ADAMTSL1: variants seen among roughly 807,000 people sequenced by gnomAD.
ADAMTSL1 encodes ADAMTS-like protein 1.
Under a neutral mutation model 201.8 loss-of-function variants are expected in ADAMTSL1, and 126 were observed. The observed-to-expected ratio is 0.62, with a 90% CI of 0.54 to 0.72. The LOEUF (loss-of-function observed/expected upper bound fraction) is 0.72, where lower values mean the gene tolerates loss of function less well. Among genes scored for constraint, ADAMTSL1 ranks in the 30% least tolerant of loss-of-function variants. The pLI, the probability that ADAMTSL1 is intolerant of heterozygous loss-of-function variation, is 0.00. For synonymous variants in ADAMTSL1, 1,121 were observed against 903.4 expected (o/e 1.24, Z -4.32); for missense variants, 2,679 against 2,277.8 (o/e 1.18, Z -3.59).
chr9:18,231,675 A>G (rs1426773318), intron 2 of ADAMTSL1, among the ~76,000 whole-genome samples: 2 of 152,194 alleles, frequency 1.3e-5, no homozygotes, highest in Admixed American at 6.5e-5. Flanking sequence ...CCCAGACTTG[A>G]ATATCCAACT....
intron 1 of ADAMTSL1, among the ~76,000 whole-genome samples, chr9:17,977,033 A>G (rs899776761): frequency 6.6e-6 from 1 of 151,998 alleles, no homozygotes; most frequent in African/African-American, 2.4e-5. Context: ...AGTTTTTATT[A>G]TAATAGGATG....
chr9:18,451,860 G>T (rs569576569), intron 2 of ADAMTSL1, among the ~76,000 whole-genome samples: 2 of 152,344 alleles, frequency 1.3e-5, no homozygotes, highest in South Asian at 4.1e-4. Context: ...GTTGCATGGT[G>T]GAAGATGCAA....
intron 2 of ADAMTSL1, among the ~76,000 whole-genome samples, chr9:18,284,158 G>C (rs1832908445): frequency 6.6e-6 from 1 of 151,786 alleles, no homozygotes; most frequent in Non-Finnish European, 1.5e-5. Context: ...GAACCTGGGA[G>C]GCAGAGGTTG....
At chr9:18,363,464 C>T (rs145148248) in intron 2 of ADAMTSL1, among the ~76,000 whole-genome samples, 2 of 152,284 alleles carry the variant, frequency 1.3e-5, no homozygotes, top group Non-Finnish European at 2.9e-5. Context: ...TCAGTTTTGC[C>T]TTGCCTCTTC....
chr9:18,900,223 C>CAATG (rs989418151), intron 26 of ADAMTSL1, among the ~76,000 whole-genome samples: 3 of 152,144 alleles, frequency 2.0e-5, no homozygotes, highest in Admixed American at 1.3e-4. Context: ...ATCAAAACCA[C>CAATG]AATGAGATAA....
intron 13 of ADAMTSL1, among the ~76,000 whole-genome samples, chr9:18,705,539 T>G (rs1564165789): frequency 6.6e-6 from 1 of 152,198 alleles, no homozygotes; most frequent in African/African-American, 2.4e-5. Flanking sequence ...TTTAGGGGAC[T>G]GGGTGTGAGG....
intron 4 of ADAMTSL1, among the ~76,000 whole-genome samples, chr9:18,616,100 A>T (rs1825685981): frequency 1.3e-5 from 2 of 152,062 alleles, no homozygotes; most frequent in Non-Finnish European, 2.9e-5. Flanking sequence ...ATCTCGGCTC[A>T]CTGCAACCTC....
At chr9:18,419,843 C>T (rs1818861280) in intron 2 of ADAMTSL1, among the ~76,000 whole-genome samples, 1 of 151,326 alleles carries the variant, frequency 6.6e-6, no homozygotes, top group Admixed American at 6.6e-5. Flanking sequence ...TATTCTCCTG[C>T]CTCAGCCTCC....
intron 2 of ADAMTSL1, among the ~76,000 whole-genome samples, chr9:18,180,555 AT>A (rs1330387665): frequency 3.0e-4 from 45 of 150,404 alleles, no homozygotes; most frequent in African/African-American, 1.1e-3. Flanking sequence ...AAAAAAAAAA[AT>A]ACCTAAGAAT....
At chr9:18,682,249 G>C (rs956846827) in intron 12 of ADAMTSL1, among the ~76,000 whole-genome samples, 19 of 152,138 alleles carry the variant, frequency 1.2e-4, no homozygotes, top group African/African-American at 4.3e-4. Context: ...CTTAAAGGGA[G>C]ACCAGATATT....
intron 2 of ADAMTSL1, among the ~76,000 whole-genome samples, chr9:18,334,621 A>C (rs993125440): frequency 3.9e-5 from 6 of 152,174 alleles, no homozygotes; most frequent in Non-Finnish European, 8.8e-5. Flanking sequence ...CATCTTCTAT[A>C]TAAACCAATT....
intron 2 of ADAMTSL1, among the ~76,000 whole-genome samples, chr9:18,393,563 A>G (rs1838138166): frequency 6.6e-6 from 1 of 152,228 alleles, no homozygotes; most frequent in Non-Finnish European, 1.5e-5. Context: ...TAAAGAAGAC[A>G]GTGTGGTGGT....
rs142575274 is a variant in ADAMTSL1 at position 18,561,762 on chromosome 9, C to G, written c.238-12268C>G. Among the ~76,000 whole-genome samples the G allele has an allele frequency of 5.3e-3, 804 of 152,274 alleles. 8 individuals carry two copies. The highest frequency in any genetic ancestry group is 0.05 in the East Asian group (260 of 5,172). ...TTAGCTCTTCTTGTTGCATTGATCC[C>G]TTTACCATTATGTAATGCCCTTCTT... On this transcript the variant is annotated intron_variant, in intron 3 of 28. Coordinates refer to ENST00000380548, the MANE Select transcript of ADAMTSL1 (RefSeq NM_001040272.6).
intron 15 of ADAMTSL1, among the ~76,000 whole-genome samples, chr9:18,742,108 A>G (rs1384609913): frequency 6.6e-6 from 1 of 152,174 alleles, no homozygotes; most frequent in Non-Finnish European, 1.5e-5. Context: ...TACCATTCCT[A>G]TTGGATTAGG....
At chr9:17,920,676 G>C (rs925409891) in intron 1 of ADAMTSL1, among the ~76,000 whole-genome samples, 3 of 152,136 alleles carry the variant, frequency 2.0e-5, no homozygotes, top group African/African-American at 7.2e-5. Context: ...GAAACTTCTA[G>C]AATGTTCATT....
intron 14 of ADAMTSL1, among the ~76,000 whole-genome samples, chr9:18,715,770 C>T (rs1191161878): frequency 4.0e-5 from 6 of 151,510 alleles, no homozygotes; most frequent in African/African-American, 9.7e-5. Flanking sequence ...AAAGAGCCCA[C>T]ATTGCCCAGT....
At chr9:18,411,033 T>G (rs1454062542) in intron 2 of ADAMTSL1, among the ~76,000 whole-genome samples, 15 of 151,180 alleles carry the variant, frequency 9.9e-5, no homozygotes, top group Admixed American at 2.6e-4. Context: ...TTGGTTTTTT[T>G]TTTGTATTTT....
chr9:18,193,669 A>T (rs1442636093), intron 2 of ADAMTSL1, among the ~76,000 whole-genome samples: 1 of 152,146 alleles, frequency 6.6e-6, no homozygotes, highest in African/African-American at 2.4e-5. Context: ...TGTCACACTC[A>T]TCAAAAGGGA....
At chr9:18,293,843 G>T (rs892375787) in intron 2 of ADAMTSL1, among the ~76,000 whole-genome samples, 1 of 152,192 alleles carries the variant, frequency 6.6e-6, no homozygotes, top group African/African-American at 2.4e-5. Context: ...TGAAGGATTT[G>T]CAAGTACTAA....
Sources: allele counts gnomAD v4.1 joint callset (sites outside exome capture counted in the v4.1 genomes callset), GRCh38; gene constraint gnomAD v4.1.1; transcripts MANE v1.5; gene names NCBI Gene and HGNC (gene_info 2026-07-23, HGNC 2026-07-21).